LAMA2: variants seen among roughly 807,000 people sequenced by gnomAD.
The protein encoded by LAMA2 is laminin subunit alpha-2.
LAMA2 carries 269 observed loss-of-function variants against 364.8 expected under a neutral mutation model. The observed-to-expected ratio is 0.74, with a 90% CI of 0.67 to 0.82. LAMA2 has a LOEUF of 0.82. LAMA2 is among the 40% of genes least tolerant of loss of function. LAMA2 has a pLI of 0.00. For synonymous variants in LAMA2, 1,379 were observed against 1,370.6 expected, an observed-to-expected ratio of 1.01 and a Z score of -0.14; for missense variants, 3,807 against 3,873.2, an observed-to-expected ratio of 0.98 and a Z score of 0.45.
At chr6:129,408,189 A>C (rs4541768) in intron 40 of LAMA2, among the ~76,000 whole-genome samples, 76,216 of 151,946 alleles carry the variant, frequency 0.5, 19,619 homozygotes, top group African/African-American at 0.62. Context: ...ATTCTGGGAC[A>C]CGTGAACACT....
At chr6:129,454,813 T>C (rs1276275783) in intron 47 of LAMA2, among the ~76,000 whole-genome samples, 3 of 152,152 alleles carry the variant, frequency 2.0e-5, no homozygotes, top group Admixed American at 2.0e-4. Context: ...ATTATCAACA[T>C]CTAGTACCAT....
chr6:129,181,527 A>G (rs998659458), intron 10 of LAMA2, among the ~76,000 whole-genome samples: 6 of 152,030 alleles, frequency 3.9e-5, no homozygotes, highest in Admixed American at 1.3e-4. Context: ...GAAAAGAAAC[A>G]TGTATAATTT....
rs566723851 is a variant in LAMA2 at position 129,316,078 on chromosome 6, G to T, written c.3965G>T (p.Arg1322Ile). The T allele has an allele frequency of 3.7e-6, 6 of 1,612,556 alleles. No individual in the cohort carries two copies. Among genetic ancestry groups the T allele is most frequent in the Non-Finnish European group, 5.1e-6 (6 of 1,178,622 alleles). Residue 1322 changes from arginine to isoleucine, a missense_variant, in exon 27 of 65, where the codon AGA becomes ATA. By Grantham distance (97) the Arg-to-Ile change is moderately conservative. Around this residue, in one of 3 missense-constraint regions of LAMA2, gnomAD observed 3,333 missense variants for 3,345.7 expected, o/e 1.00. Coordinates refer to ENST00000421865, the MANE Select transcript of LAMA2 (RefSeq NM_000426.4). ...KYYGDDPRVHRTVTREDFLDI... is the reference protein window; with the variant it reads ...KYYGDDPRVHITVTREDFLDI... The stretch of plus-strand genomic sequence containing the variant: ...TATGGGGATGATCCTCGAGTCCATA[G>T]AACTGTGACCCGAGAAGACTTCTTG...
chr6:129,307,058 T>C (rs1404548971), intron 22 of LAMA2, among the ~76,000 whole-genome samples: 4 of 152,222 alleles, frequency 2.6e-5, no homozygotes, highest in Admixed American at 6.5e-5. Flanking sequence ...TTGGATTTTA[T>C]TGTATTTCTT....
At chr6:129,325,296 T>A (rs905759561) in intron 28 of LAMA2, among the ~76,000 whole-genome samples, 27 of 152,138 alleles carry the variant, frequency 1.8e-4, no homozygotes, top group Non-Finnish European at 7.4e-5. Context: ...TAGAAATGGG[T>A]AAGAGGAGCT....
At chr6:129,515,153 C>G (rs998758396) in intron 64 of LAMA2, among the ~76,000 whole-genome samples, 1 of 152,146 alleles carries the variant, frequency 6.6e-6, no homozygotes, top group Admixed American at 6.5e-5. Context: ...TGCCCATAAA[C>G]AAGAGTGGCC....
chr6:129,067,927 C>A (rs1368302066), intron 3 of LAMA2, among the ~76,000 whole-genome samples: 1 of 152,240 alleles, frequency 6.6e-6, no homozygotes, highest in Non-Finnish European at 1.5e-5. Flanking sequence ...AGCCTGTCCA[C>A]TTCCTAAACC....
intron 1 of LAMA2, among the ~76,000 whole-genome samples, chr6:128,923,647 G>A (rs995169550): frequency 3.3e-5 from 5 of 152,206 alleles, no homozygotes; most frequent in African/African-American, 1.2e-4. Context: ...TTTTCCCACT[G>A]TTCTCAATAT....
At chr6:129,314,619 C>T (rs375857934) in intron 23 of LAMA2, 36 bp from the exon 24 acceptor site, 3 of 1,608,656 alleles carry the variant, frequency 1.9e-6, no homozygotes, top group Non-Finnish European at 2.5e-6. Flanking sequence ...CTAACTTTGC[C>T]GTTATAAACT....
At chr6:129,432,600 C>T (rs1379713090) in intron 41 of LAMA2, among the ~76,000 whole-genome samples, 5 of 152,240 alleles carry the variant, frequency 3.3e-5, no homozygotes, top group Admixed American at 1.3e-4. Context: ...AACAGAAATG[C>T]CTTCAAGAGA....
chr6:128,942,539 A>G (rs1034703160), intron 1 of LAMA2, among the ~76,000 whole-genome samples: 3 of 152,172 alleles, frequency 2.0e-5, no homozygotes, highest in African/African-American at 2.4e-5. Flanking sequence ...ATAGATTCTA[A>G]AAGTATTTGT....
intron 9 of LAMA2, among the ~76,000 whole-genome samples, chr6:129,174,085 C>A (rs1333929975): frequency 6.6e-6 from 1 of 152,084 alleles, no homozygotes; most frequent in African/African-American, 2.4e-5. Flanking sequence ...AAATTCTTTA[C>A]TTATAATAAT....
rs1203268026 is a variant in LAMA2, at chr6:129,353,197, C to T, written c.4557C>T (p.Asn1519=). ...CAPGYTGSPG[N]PGGSCQECEC... ...CTGGCTATACTGGCAGTCCAGGCAA[C>T]CCTGGAGGCTCCTGCCAAGAATGTG... Residue 1519 remains asparagine (N), a synonymous_variant, in exon 32 of 65, where the codon AAC becomes AAT. Coordinates refer to ENST00000421865, the MANE Select transcript of LAMA2 (RefSeq NM_000426.4). 2.5e-6 allele frequency: 4 copies of T among 1,613,872 alleles called. No homozygotes were observed. The African/African-American group carries it at 5.3e-5, about 22-fold the overall frequency.
At chr6:129,107,232 C>A (rs916198797) in intron 4 of LAMA2, among the ~76,000 whole-genome samples, 4 of 152,130 alleles carry the variant, frequency 2.6e-5, no homozygotes, top group African/African-American at 9.7e-5. Flanking sequence ...TGTGCCCCAG[C>A]CAGTTTACGT....
intron 34 of LAMA2, among the ~76,000 whole-genome samples, chr6:129,376,532 G>T: frequency 6.6e-6 from 1 of 152,158 alleles, no homozygotes; most frequent in South Asian, 2.1e-4. Flanking sequence ...CCTTAGGCTC[G>T]TAGGATAAAG....
intron 35 of LAMA2, among the ~76,000 whole-genome samples, chr6:129,385,288 AGGGAG>A (rs1478277044): frequency 1.5e-5 from 2 of 130,394 alleles, no homozygotes; most frequent in Non-Finnish European, 3.2e-5. Context: ...GAAAGGAGGG[AGGGAG>A]GAAGAAAAGA....
At chr6:129,110,698 T>C (rs1387990171) in intron 4 of LAMA2, among the ~76,000 whole-genome samples, 1 of 152,022 alleles carries the variant, frequency 6.6e-6, no homozygotes, top group Non-Finnish European at 1.5e-5. Context: ...CACACTGTGG[T>C]AAATGTTCAA....
At chr6:129,136,212 A>C (rs1223776973) in intron 4 of LAMA2, among the ~76,000 whole-genome samples, 1 of 152,190 alleles carries the variant, frequency 6.6e-6, no homozygotes, top group Non-Finnish European at 1.5e-5. Flanking sequence ...GTTTCAGATG[A>C]AACTAACCTA....
In LAMA2 at chr6:129,063,310, C is replaced by T. The variant is rs545360269; in HGVS notation, c.396+3414C>T. On this transcript the variant is annotated intron_variant, in intron 3 of 64. Coordinates refer to ENST00000421865, the MANE Select transcript of LAMA2 (RefSeq NM_000426.4). ...TATAATTGCGAACAAAAATATACAA[C>T]AATTTAAAGGAGACAGTAATAGGGA... is the stretch of plus-strand genomic sequence containing the variant. Among the ~76,000 whole-genome samples, 3 of 152,150 alleles carry T rather than the reference C, an allele frequency of 2.0e-5. No individual in the cohort carries two copies. The South Asian group carries it at 6.2e-4, about 32-fold the overall frequency.
Sources: gnomAD v4.1 joint callset for allele counts (sites outside exome capture counted in the v4.1 genomes callset) on GRCh38, gnomAD v4.1.1 for gene constraint, gnomAD v4.1.1 regional missense constraint, MANE v1.5 for transcripts, NCBI Gene and HGNC (gene_info 2026-07-23, HGNC 2026-07-21) for gene names.